Variants in DSCAM observed in about 807,000 individuals in gnomAD.
The protein encoded by DSCAM is DS cell adhesion molecule.
A neutral mutation model predicts 217.7 loss-of-function variants in DSCAM; 47 were observed. That is an observed-to-expected ratio of 0.22 (90% confidence interval 0.17 to 0.28). The LOEUF (loss-of-function observed/expected upper bound fraction) is 0.28, where lower values mean the gene tolerates loss of function less well. Among genes scored for constraint, DSCAM ranks in the 10% least tolerant of loss-of-function variants. The pLI, the probability that DSCAM is intolerant of heterozygous loss-of-function variation, is 1.00. For missense variants in DSCAM, 2,080 were observed against 2,618.3 expected (o/e 0.79, Z 4.49); for synonymous variants, 1,056 against 1,015.3 (o/e 1.04, Z -0.76).
chr21:40,353,399 T>C, intron 5 of DSCAM, 66 bp downstream of exon 5: 1 of 1,567,404 alleles, frequency 6.4e-7, no homozygotes, highest in Non-Finnish European at 8.6e-7. Flanking sequence ...ACATGGAGAT[T>C]TGCTTATAAC....
At position 40,093,614 on chromosome 21, in the gene DSCAM, T is replaced by TGGG. The variant is rs2089638315; in HGVS notation, c.3850+106_3850+107insCCC. On this transcript the variant is annotated intron_variant, in intron 21 of 32. Transcript: ENST00000400454. The stretch of plus-strand genomic sequence containing the variant: ...TTTCTTGAGCTAAAATGTGATATTC[T>TGGG]GGTTTATTTGATTTTTAGGAAAGTG... 30 of 1,332,016 alleles carry TGGG rather than the reference T, an allele frequency of 2.3e-5. No individual in the cohort carries two copies. In the South Asian group the frequency reaches 3.9e-4, roughly 17 times the overall value. 82.5% of individuals were successfully genotyped at this position (1,332,016 alleles called of 1,614,324 possible).
intron 3 of DSCAM, among the ~76,000 whole-genome samples, chr21:40,658,169 G>A (rs2090096810): frequency 6.6e-6 from 1 of 152,154 alleles, no homozygotes; most frequent in Admixed American, 6.5e-5. Context: ...AGATGAAGCA[G>A]CGCCATTTTA....
intron 3 of DSCAM, among the ~76,000 whole-genome samples, chr21:40,616,744 G>A (rs142395692): frequency 1.4e-4 from 21 of 152,132 alleles, no homozygotes; most frequent in East Asian, 5.8e-4. Flanking sequence ...TTGGCCGGGC[G>A]CGGTGGCTCA....
intron 4 of DSCAM, among the ~76,000 whole-genome samples, chr21:40,356,057 G>GT (rs752292431): frequency 3.4e-4 from 52 of 152,150 alleles, no homozygotes; most frequent in Non-Finnish European, 6.9e-4. Context: ...CAACACTTAA[G>GT]TTTTTTTCAT....
chr21:40,737,839 C>G (rs1408734214), intron 1 of DSCAM, among the ~76,000 whole-genome samples: 1 of 152,168 alleles, frequency 6.6e-6, no homozygotes, highest in African/African-American at 2.4e-5. Context: ...GTTCTGGGCT[C>G]CCAGTCTTCC....
intron 3 of DSCAM, among the ~76,000 whole-genome samples, chr21:40,663,919 C>T (rs1354264676): frequency 6.6e-6 from 1 of 152,078 alleles, no homozygotes; most frequent in Non-Finnish European, 1.5e-5. Flanking sequence ...CTGAATAATG[C>T]AAATTACTGC....
At chr21:40,446,595 A>C (rs114132407) in intron 3 of DSCAM, among the ~76,000 whole-genome samples, 55 of 152,142 alleles carry the variant, frequency 3.6e-4, no homozygotes, top group Non-Finnish European at 6.0e-4. Flanking sequence ...AACCAGCAAA[A>C]AAGCAAATGT....
chr21:40,349,955 CATATAA>C (rs1601575981), intron 5 of DSCAM, among the ~76,000 whole-genome samples: 1 of 152,250 alleles, frequency 6.6e-6, no homozygotes, highest in East Asian at 1.9e-4. Flanking sequence ...GGCCAGAAGA[CATATAA>C]ATATATCTTT....
At chr21:40,160,790 C>T (rs570129542) in intron 16 of DSCAM, among the ~76,000 whole-genome samples, 2 of 152,248 alleles carry the variant, frequency 1.3e-5, no homozygotes, top group South Asian at 4.1e-4. Context: ...ATAACCTAAC[C>T]GTTATACAAA....
rs771260754 is a variant in DSCAM at position 40,080,189 on chromosome 21, G to T, written c.4383C>A (p.Arg1461=). The T allele has an allele frequency of 3.1e-6, 5 of 1,609,926 alleles. No individual in the cohort carries two copies. Among genetic ancestry groups the T allele is most frequent in the Non-Finnish European group, 4.2e-6 (5 of 1,178,068 alleles). The change falls in exon 25 of 33, where the codon CGC becomes CGA. Residue 1461 remains arginine (R), a synonymous_variant. Coordinates refer to ENST00000400454, the MANE Select transcript of DSCAM (RefSeq NM_001389.5). ...LTAQNGVGPG[R]ISEIIEAKTL... is the part of the protein sequence containing the mutation. Reference sequence around the variant, plus strand: ...TCTTTGCTTCTATGATTTCACTTATGCGCCCTGGGCCCACTCCATTTTGGG... The same window carrying T: ...TCTTTGCTTCTATGATTTCACTTATTCGCCCTGGGCCCACTCCATTTTGGG...
chr21:40,589,454 T>C (rs560313382), intron 3 of DSCAM, among the ~76,000 whole-genome samples: 4 of 152,214 alleles, frequency 2.6e-5, no homozygotes, highest in South Asian at 2.1e-4. Context: ...CATGTGCCTG[T>C]AATCCCAGCT....
chr21:40,214,588 G>T (rs188211392), intron 11 of DSCAM, among the ~76,000 whole-genome samples: 1 of 152,140 alleles, frequency 6.6e-6, no homozygotes, highest in Admixed American at 6.5e-5. Flanking sequence ...AGCCTACACC[G>T]CTGTCTTTGG....
At chr21:40,725,413 G>A (rs1220995379) in intron 1 of DSCAM, among the ~76,000 whole-genome samples, 1 of 152,162 alleles carries the variant, frequency 6.6e-6, no homozygotes, top group Non-Finnish European at 1.5e-5. Flanking sequence ...CTTCCCAGAG[G>A]ACATTGGGGA....
chr21:40,251,442 T>C (rs980706884), intron 11 of DSCAM, among the ~76,000 whole-genome samples: 1 of 152,216 alleles, frequency 6.6e-6, no homozygotes, highest in African/African-American at 2.4e-5. Flanking sequence ...GATGTTTCCT[T>C]CTACGTAGAT....
chr21:40,634,793 A>G (rs2089734829), intron 3 of DSCAM, among the ~76,000 whole-genome samples: 1 of 152,222 alleles, frequency 6.6e-6, no homozygotes, highest in Admixed American at 6.5e-5. Context: ...AGCGAGAAGA[A>G]AGGGTGTCTT....
chr21:40,167,528 C>T (rs1331006295), intron 15 of DSCAM, among the ~76,000 whole-genome samples: 2 of 152,112 alleles, frequency 1.3e-5, no homozygotes, highest in African/African-American at 4.8e-5. Flanking sequence ...TCCTTCTCAC[C>T]ATGTCTTTGA....
At chr21:40,310,137 C>A (rs1360117445) in intron 9 of DSCAM, among the ~76,000 whole-genome samples, 1 of 152,182 alleles carries the variant, frequency 6.6e-6, no homozygotes. Flanking sequence ...TCATCAGGAC[C>A]TTTTTAGACC....
intron 3 of DSCAM, among the ~76,000 whole-genome samples, chr21:40,515,097 T>C (rs2076289548): frequency 6.6e-6 from 1 of 152,224 alleles, no homozygotes; most frequent in Non-Finnish European, 1.5e-5. Context: ...AGTAGGGTAA[T>C]TCCTACTATA....
At chr21:40,629,090 T>TG (rs1239168871) in intron 3 of DSCAM, among the ~76,000 whole-genome samples, 2 of 30,152 alleles carry the variant, frequency 6.6e-5, no homozygotes. Context: ...TGTGTGTGTG[T>TG]GTGTGTGTGT....
Sources: gnomAD v4.1 joint callset for allele counts (sites outside exome capture counted in the v4.1 genomes callset) on GRCh38, gnomAD v4.1.1 for gene constraint, MANE v1.5 for transcripts, NCBI Gene and HGNC (gene_info 2026-07-23, HGNC 2026-07-21) for gene names.